KCNN2: variants seen among roughly 807,000 people sequenced by gnomAD.
KCNN2 encodes the protein potassium calcium-activated channel subfamily N member 2.
KCNN2 carries 24 observed loss-of-function variants against 55.5 expected under a neutral mutation model. The observed-to-expected ratio is 0.43, with a 90% CI of 0.31 to 0.61. The LOEUF (loss-of-function observed/expected upper bound fraction) is 0.61, where lower values mean the gene tolerates loss of function less well. Ranked by LOEUF, KCNN2 falls within the 20% of genes least tolerant of loss-of-function variation. The pLI is 0.08. For missense variants in KCNN2, 754 were observed against 853.6 expected, an observed-to-expected ratio of 0.88 and a Z score of 1.45; for synonymous variants, 431 against 336.1, an observed-to-expected ratio of 1.28 and a Z score of -3.09.
chr5:114,111,368 C>T (rs551408766), intron 1 of KCNN2, among the ~76,000 whole-genome samples: 6 of 152,198 alleles, frequency 3.9e-5, no homozygotes, highest in Non-Finnish European at 8.8e-5. Context: ...TACCTAAAAC[C>T]ATGAAAACCC....
At chr5:114,355,863 G>A (rs2150041856) in intron 2 of KCNN2, among the ~76,000 whole-genome samples, 1 of 152,248 alleles carries the variant, frequency 6.6e-6, no homozygotes, top group Non-Finnish European at 1.5e-5. Context: ...ATCAGTATCT[G>A]TATTTTTAAA....
intron 2 of KCNN2, among the ~76,000 whole-genome samples, chr5:114,389,473 C>T (rs1758395687): frequency 6.6e-6 from 1 of 152,138 alleles, no homozygotes; most frequent in Admixed American, 6.5e-5. Flanking sequence ...GTTTTCTCTT[C>T]TCCAAGATGG....
intron 1 of KCNN2, among the ~76,000 whole-genome samples, chr5:114,087,961 G>T (rs1387385929): frequency 6.6e-6 from 1 of 151,822 alleles, no homozygotes. Context: ...TAAATCTCAT[G>T]TTTCTTAACA....
At chr5:114,252,790 A>T (rs72799603) in intron 2 of KCNN2, among the ~76,000 whole-genome samples, 1 of 5,240 alleles carries the variant, frequency 1.9e-4, no homozygotes, top group African/African-American at 1.1e-3. Flanking sequence ...TGTGTGTGTG[A>T]GAGAGAGAGA....
intron 1 of KCNN2, among the ~76,000 whole-genome samples, chr5:114,094,258 T>C (rs554778824): frequency 1.3e-5 from 2 of 152,260 alleles, no homozygotes; most frequent in South Asian, 4.1e-4. Context: ...CAAGGCCAGA[T>C]TCTGTTTTTT....
chr5:114,303,771 A>T lies in KCNN2; in HGVS notation c.-184-57174A>T, dbSNP rs556813367. Among the ~76,000 whole-genome samples the T allele has an allele frequency of 5.3e-3, 805 of 152,292 alleles. 6 individuals carry two copies. Among genetic ancestry groups the T allele is most frequent in the African/African-American group, 0.019 (773 of 41,562 alleles). On this transcript the variant is annotated intron_variant, in intron 2 of 10. Coordinates refer to the KCNN2 transcript ENST00000512097. ...AATGGCAAGACAATAGAAATTAGGGATTGATAGGTGGTAGGGCACTAGAAA... is the reference window on the plus strand; with the variant it reads ...AATGGCAAGACAATAGAAATTAGGGTTTGATAGGTGGTAGGGCACTAGAAA...
At chr5:114,359,457 G>C (rs1236767974), upstream of KCNN2, among the ~76,000 whole-genome samples, 1 of 152,164 alleles carries the variant, frequency 6.6e-6, no homozygotes, top group Non-Finnish European at 1.5e-5. Flanking sequence ...CATGGCAAAA[G>C]ATACATTTTT....
intron 2 of KCNN2, among the ~76,000 whole-genome samples, chr5:114,246,290 G>A (rs1257189795): frequency 6.6e-6 from 1 of 152,242 alleles, no homozygotes; most frequent in East Asian, 1.9e-4. Flanking sequence ...AATGTGGGAT[G>A]ATTATGCATC....
chr5:114,248,950 T>A (rs1561540119), intron 2 of KCNN2, among the ~76,000 whole-genome samples: 1 of 152,304 alleles, frequency 6.6e-6, no homozygotes, highest in Admixed American at 6.5e-5. Flanking sequence ...AATTATGCCA[T>A]GACAGCAGGT....
intron 1 of KCNN2, among the ~76,000 whole-genome samples, chr5:114,164,992 A>G (rs555536773): frequency 1.3e-5 from 2 of 152,208 alleles, no homozygotes; most frequent in Non-Finnish European, 2.9e-5. Context: ...AGATGAGACG[A>G]GTAAGGCACA....
chr5:114,234,538 T>A (rs1754434025), intron 2 of KCNN2, among the ~76,000 whole-genome samples: 1 of 152,232 alleles, frequency 6.6e-6, no homozygotes, highest in South Asian at 2.1e-4. Context: ...ATATTCCAAA[T>A]GAATTGGGGT....
At chr5:114,341,048 G>A (rs900487515) in intron 2 of KCNN2, among the ~76,000 whole-genome samples, 10 of 152,040 alleles carry the variant, frequency 6.6e-5, no homozygotes, top group East Asian at 3.8e-4. Flanking sequence ...ATATTTCATC[G>A]TCTATATGTA....
At chr5:114,429,818 CTTTTTTTTTT>C (rs61595962) in intron 3 of KCNN2, among the ~76,000 whole-genome samples, 1 of 71,244 alleles carries the variant, frequency 1.4e-5, no homozygotes, top group Non-Finnish European at 2.5e-5. Flanking sequence ...TATATAGATG[CTTTTTTTTTT>C]TTTTTTTTTT....
chr5:114,122,108 G>GC (rs573087166), intron 1 of KCNN2, among the ~76,000 whole-genome samples: 1 of 152,206 alleles, frequency 6.6e-6, no homozygotes, highest in Non-Finnish European at 1.5e-5. Flanking sequence ...GTCATTAGAA[G>GC]CCAGTATTTA....
At chr5:114,161,645 G>C (rs906092406) in intron 1 of KCNN2, among the ~76,000 whole-genome samples, 2 of 152,194 alleles carry the variant, frequency 1.3e-5, no homozygotes, top group South Asian at 2.1e-4. Flanking sequence ...ACACCAATCA[G>C]ACGTAGATTT....
intron 1 of KCNN2, among the ~76,000 whole-genome samples, chr5:114,174,403 A>G (rs1753098511): frequency 6.6e-6 from 1 of 152,118 alleles, no homozygotes; most frequent in Non-Finnish European, 1.5e-5. Flanking sequence ...AGAATTTGGC[A>G]TTAGTCTAGA....
At chr5:114,428,814 A>G (rs1759703571) in intron 3 of KCNN2, among the ~76,000 whole-genome samples, 1 of 152,008 alleles carries the variant, frequency 6.6e-6, no homozygotes, top group African/African-American at 2.4e-5. Flanking sequence ...ATATAGTTGA[A>G]TTCATAGAGT....
chr5:114,411,482 A>ATT (rs1262190931), intron 3 of KCNN2, among the ~76,000 whole-genome samples: 1 of 152,104 alleles, frequency 6.6e-6, no homozygotes, highest in Non-Finnish European at 1.5e-5. Flanking sequence ...CCAAGTCTAA[A>ATT]AGCCTCAGAT....
intron 1 of KCNN2, among the ~76,000 whole-genome samples, chr5:114,121,909 T>A (rs1751837375): frequency 6.6e-6 from 1 of 152,192 alleles, no homozygotes; most frequent in African/African-American, 2.4e-5. Flanking sequence ...AATGCCAGGA[T>A]TATGTTCTTA....
Sources: gnomAD v4.1 joint callset for allele counts (sites outside exome capture counted in the v4.1 genomes callset) on GRCh38, gnomAD v4.1.1 for gene constraint, MANE v1.5 for transcripts, NCBI Gene and HGNC (gene_info 2026-07-23, HGNC 2026-07-21) for gene names.